Variants in PRDM16 observed in about 807,000 individuals in gnomAD.
The protein encoded by PRDM16 is histone-lysine N-methyltransferase PRDM16.
In PRDM16, 23 loss-of-function variants were observed where a neutral mutation model predicts 110.6. The observed-to-expected ratio is 0.21, with a 90% CI of 0.15 to 0.29. The LOEUF (loss-of-function observed/expected upper bound fraction) is 0.29, where lower values mean the gene tolerates loss of function less well. Among genes scored for constraint, PRDM16 ranks in the 10% least tolerant of loss-of-function variants. PRDM16 has a pLI of 1.00. For synonymous variants in PRDM16, 799 were observed against 781.8 expected (o/e 1.02, Z -0.37); for missense variants, 1,615 against 1,794.3 (o/e 0.90, Z 1.81).
chr1:3,299,687 G>A (rs1329701430), intron 3 of PRDM16, among the ~76,000 whole-genome samples: 6 of 122,958 alleles, frequency 4.9e-5, no homozygotes, highest in African/African-American at 1.3e-4. Context: ...GATCCCAGTC[G>A]TGGTGACTCT....
chr1:3,269,027 T>G (rs1640365356), intron 3 of PRDM16, among the ~76,000 whole-genome samples: 2 of 152,226 alleles, frequency 1.3e-5, no homozygotes, highest in South Asian at 4.1e-4. Flanking sequence ...GCAGAGGCAG[T>G]GAGTCTTGGA....
At chr1:3,130,528 C>T (rs755247727) in intron 1 of PRDM16, among the ~76,000 whole-genome samples, 3 of 152,214 alleles carry the variant, frequency 2.0e-5, no homozygotes, top group Non-Finnish European at 4.4e-5. Flanking sequence ...AGGGCTGCCC[C>T]CTGTCTATAG....
intron 1 of PRDM16, among the ~76,000 whole-genome samples, chr1:3,103,688 C>T (rs898782690): frequency 7.2e-5 from 11 of 152,094 alleles, no homozygotes; most frequent in African/African-American, 1.7e-4. Flanking sequence ...CTGGCATGCA[C>T]GCACCATTCT....
intron 3 of PRDM16, among the ~76,000 whole-genome samples, chr1:3,337,583 G>A (rs971257941): frequency 3.3e-5 from 5 of 152,214 alleles, no homozygotes; most frequent in African/African-American, 1.2e-4. Context: ...AGCTGGGGGA[G>A]ACCCACCAGG....
In PRDM16 at chr1:3,433,769, C is replaced by G. The variant is rs748370304; in HGVS notation, c.3789C>G (p.Ala1263=). Residue 1263 remains alanine (A), a synonymous_variant, in exon 17 of 17, where the codon GCC becomes GCG. Transcript: ENST00000270722. The stretch of plus-strand genomic sequence containing the variant: ...ACGCTTGGTTGAAGGTCACTGGAGC[C>G]ACGTCGGAGTCTGGAGCATTTCACC... ...SLDAWLKVTG[A]TSESGAFHPI... 8.1e-6 allele frequency: 13 copies of G among 1,613,770 alleles called. No homozygotes were observed. In the East Asian group the frequency reaches 2.9e-4, roughly 36 times the overall value.
intron 5 of PRDM16, among the ~76,000 whole-genome samples, chr1:3,400,576 G>A (rs190804571): frequency 6.6e-6 from 1 of 152,306 alleles, no homozygotes; most frequent in African/African-American, 2.4e-5. Context: ...GCTCCGAATG[G>A]CAGCCTTCCC....
At chr1:3,183,555 T>C (rs1387378053) in intron 1 of PRDM16, among the ~76,000 whole-genome samples, 1 of 152,172 alleles carries the variant, frequency 6.6e-6, no homozygotes, top group Non-Finnish European at 1.5e-5. Flanking sequence ...CTGGAGGCTG[T>C]GGGCAATCGC....
intron 5 of PRDM16, among the ~76,000 whole-genome samples, chr1:3,401,595 C>T (rs1643472826): frequency 6.6e-6 from 1 of 152,198 alleles, no homozygotes; most frequent in Non-Finnish European, 1.5e-5. Context: ...TTGGCGCACA[C>T]ACACACAAAC....
intron 1 of PRDM16, among the ~76,000 whole-genome samples, chr1:3,071,880 G>A (rs1385419805): frequency 6.6e-6 from 1 of 152,228 alleles, no homozygotes; most frequent in Non-Finnish European, 1.5e-5. Flanking sequence ...GTGTAATTTC[G>A]TTTGTGTTTC....
At chr1:3,351,449 T>C (rs1409472100) in intron 3 of PRDM16, among the ~76,000 whole-genome samples, 3 of 149,544 alleles carry the variant, frequency 2.0e-5, no homozygotes, top group Non-Finnish European at 3.0e-5. Flanking sequence ...CACAGGGACA[T>C]AGGTCTTCTC....
chr1:3,244,111 T>C lies in PRDM16; in HGVS notation c.412T>C (p.Ser138Pro), dbSNP rs1346765382. The change falls in exon 3 of 17, where the codon TCG becomes CCG. Residue 138 changes from serine (S) to proline (P), a missense_variant. Physicochemically the swap from Ser to Pro is moderately conservative, Grantham distance 74. Transcript: ENST00000270722. The surrounding 1 kb of genome is among the most constrained non-coding windows in gnomAD (Gnocchi z 4.1). ...GCAAATACTGACGGACGTGGAAGTG[T>C]CGCCCCAGGAAGGCTGCATCACAAA... Reference protein sequence around the residue: ...WEQILTDVEVSPQEGCITKIS... With the variant: ...WEQILTDVEVPPQEGCITKIS... 1 of 1,613,818 alleles carries C rather than the reference T, an allele frequency of 6.2e-7. No homozygotes were observed. The highest frequency in any genetic ancestry group is 1.7e-5 in the Admixed American group (1 of 60,002).
At chr1:3,147,652 C>T (rs532936261) in intron 1 of PRDM16, among the ~76,000 whole-genome samples, 12 of 152,292 alleles carry the variant, frequency 7.9e-5, no homozygotes, top group Admixed American at 2.0e-4. Context: ...GGTTCTGCGT[C>T]GCACACAGCA....
intron 2 of PRDM16, chr1:3,238,011 T>C (rs1639577211): frequency 6.6e-6 from 1 of 152,464 alleles, no homozygotes; most frequent in Admixed American, 6.5e-5. Flanking sequence ...GGGGCGAAGA[T>C]GCTGCATCCC....
intron 3 of PRDM16, chr1:3,307,603 G>T (rs1224021047): frequency 6.6e-6 from 1 of 152,208 alleles, no homozygotes; most frequent in Non-Finnish European, 1.5e-5. Context: ...TCTCAGTCAT[G>T]GAAGAGCGCA....
intron 2 of PRDM16, among the ~76,000 whole-genome samples, chr1:3,228,119 G>C (rs975965088): frequency 2.0e-5 from 3 of 152,244 alleles, no homozygotes. Context: ...AGTGTGCGGG[G>C]GTCCTCCCTC....
chr1:3,336,993 GTGCA>G (rs760229404), intron 3 of PRDM16, among the ~76,000 whole-genome samples: 8 of 151,056 alleles, frequency 5.3e-5, no homozygotes, highest in African/African-American at 1.7e-4. Context: ...GAATCTGTGT[GTGCA>G]TGCATGCATG....
Position 3,425,971 on chromosome 1 carries a change from A to G in PRDM16, c.3110-80A>G, listed in dbSNP as rs1486934737. The G allele has an allele frequency of 6.8e-7, 1 of 1,475,646 alleles. No homozygotes were observed. The highest frequency in any genetic ancestry group is 9.1e-7 in the Non-Finnish European group (1 of 1,093,378). The allele number at this position is 1,475,646 out of a possible 1,614,324, so 91.4% of individuals were successfully genotyped here. ...GCCTCCCTAACAGCACCCCAGGTGT[A>G]CCCCGTTCGCGGTTGGTTTGCCCCA... On this transcript the variant is annotated intron_variant, in intron 13 of 16. Transcript: ENST00000270722. The surrounding 1 kb of genome is among the most constrained non-coding windows in gnomAD (Gnocchi z 6.9).
intron 3 of PRDM16, among the ~76,000 whole-genome samples, chr1:3,372,404 C>T (rs898886393): frequency 1.3e-5 from 2 of 152,234 alleles, no homozygotes; most frequent in Non-Finnish European, 1.5e-5. Flanking sequence ...GCCACGTTTA[C>T]AAGCTCTGCA....
chr1:3,193,103 G>T (rs1350749014), intron 2 of PRDM16, among the ~76,000 whole-genome samples: 3 of 152,084 alleles, frequency 2.0e-5, no homozygotes, highest in African/African-American at 7.2e-5. Flanking sequence ...GCCAGACGGC[G>T]AGTACCCAGC....
Sources: gnomAD v4.1 joint callset for allele counts (sites outside exome capture counted in the v4.1 genomes callset) on GRCh38, gnomAD v4.1.1 for gene constraint, Gnocchi (gnomAD v3.1) non-coding constraint, MANE v1.5 for transcripts, NCBI Gene and HGNC (gene_info 2026-07-23, HGNC 2026-07-21) for gene names.